The following TASOR2 variants were observed in gnomAD, a reference collection of about 807,000 sequenced individuals.
TASOR2 encodes protein TASOR 2.
A neutral mutation model predicts 199.5 loss-of-function variants in TASOR2; 84 were observed. That is an observed-to-expected ratio of 0.42 (90% CI 0.35 to 0.50). The LOEUF is 0.50. Among genes scored for constraint, TASOR2 ranks in the 20% least tolerant of loss-of-function variants. TASOR2 has a pLI of 0.02. For missense variants in TASOR2, 2,796 were observed against 2,835.9 expected, an observed-to-expected ratio of 0.99 and a Z score of 0.32; for synonymous variants, 1,103 against 1,046.6, an observed-to-expected ratio of 1.05 and a Z score of -1.04.
chr10:5,746,739 C>T (rs1564344055), exon 15 of TASOR2: 7 of 1,614,112 alleles, frequency 4.3e-6, no homozygotes, highest in Non-Finnish European at 5.9e-6. Flanking sequence ...GAACACAAGG[C>T]CTGAGGGACA....
chr10:5,692,391 C>CT (rs1313435727), intron 1 of TASOR2, among the ~76,000 whole-genome samples: 3 of 152,166 alleles, frequency 2.0e-5, no homozygotes, highest in African/African-American at 7.2e-5. Flanking sequence ...GGGTAGGACA[C>CT]TTAAGGAAAT....
Position 5,720,987 on chromosome 10 carries a change from A to G in TASOR2, c.146+17A>G. On this transcript the variant is annotated intron_variant, in intron 6 of 20. Coordinates refer to ENST00000328090, the Ensembl canonical transcript of TASOR2. The surrounding 1 kb of genome is among the most constrained non-coding windows in gnomAD (Gnocchi z 5.3). ...AACACAGCTGTAAGTATTAAATGTT[A>G]TGTCCTTTACTAATGCTTATATTAC... 1 of 1,583,042 alleles carries G rather than the reference A, an allele frequency of 6.3e-7. No individual in the cohort carries two copies. Among genetic ancestry groups the G allele is most frequent in the South Asian group, 1.2e-5 (1 of 86,778 alleles).
At chr10:5,717,589 TC>T in intron 2 of TASOR2, 69 bp from the exon 4 acceptor site, 1 of 560,064 alleles carries the variant, frequency 1.8e-6, no homozygotes, top group Non-Finnish European at 2.7e-6. Context: ...TTCTAATTGG[TC>T]TTCTTGCTTC....
chr10:5,703,275 A>T (rs1252915791), intron 1 of TASOR2, among the ~76,000 whole-genome samples: 1 of 152,124 alleles, frequency 6.6e-6, no homozygotes, highest in Non-Finnish European at 1.5e-5. Context: ...TGCTTTCTAG[A>T]TATCTGTTTA....
chr10:5,685,352 A>G lies in TASOR2; in HGVS notation c.-288+177A>G, dbSNP rs923146747. On this transcript the variant is annotated intron_variant, in intron 1 of 20. Transcript: ENST00000328090. The surrounding 1 kb of genome is among the most constrained non-coding windows in gnomAD (Gnocchi z 5.4). ...GGGTCGGCGCCTTCTAGATGACTCAACCTTCTGTCCTGCGCTACAACCTGT... is the reference window on the plus strand; with the variant it reads ...GGGTCGGCGCCTTCTAGATGACTCAGCCTTCTGTCCTGCGCTACAACCTGT... 1.3e-5 allele frequency among the ~76,000 whole-genome samples: 2 copies of G among 150,550 alleles called. No individual in the cohort carries two copies. Among genetic ancestry groups the G allele is most frequent in the Admixed American group, 6.6e-5 (1 of 15,098 alleles).
intron 18 of TASOR2, among the ~76,000 whole-genome samples, chr10:5,759,576 G>T (rs1839467130): frequency 6.6e-6 from 1 of 152,214 alleles, no homozygotes; most frequent in Non-Finnish European, 1.5e-5. Context: ...TTCAGGCACT[G>T]TTAGGTGCAT....
intron 6 of TASOR2, among the ~76,000 whole-genome samples, chr10:5,723,105 G>A (rs997590735): frequency 8.0e-6 from 1 of 124,908 alleles, no homozygotes; most frequent in Non-Finnish European, 1.6e-5. Context: ...AGGCTAGAGT[G>A]CAGCGGCACA....
At chr10:5,749,241 T>C (rs1297630932) in exon 15 of TASOR2, 12 of 1,614,034 alleles carry the variant, frequency 7.4e-6, no homozygotes, top group Non-Finnish European at 1.0e-5. Flanking sequence ...CCATGAGAAC[T>C]TCACACGGCC....
rs1035442705 is a variant in TASOR2, at chr10:5,719,836, A to G, written c.-99-708A>G. Among the ~76,000 whole-genome samples, 1 of 152,184 alleles carries G rather than the reference A, an allele frequency of 6.6e-6. No individual in the cohort carries two copies. Among genetic ancestry groups the G allele is most frequent in the African/African-American group, 2.4e-5 (1 of 41,456 alleles). On this transcript the variant is annotated intron_variant, in intron 3 of 20. Coordinates refer to ENST00000328090, the Ensembl canonical transcript of TASOR2. This position sits in a 1 kb window ranked among gnomAD's most constrained non-coding sequence, Gnocchi z 4.1. ...CAGTTTATAATTTACAACTGATCAT[A>G]GTTCAGATTGGAAACTCATCTTTTG...
At chr10:5,717,797 G>A (rs1187496348) in intron 3 of TASOR2, 47 bp downstream of exon 4, 1 of 706,358 alleles carries the variant, frequency 1.4e-6, no homozygotes, top group East Asian at 3.4e-5. Flanking sequence ...AAAGTTTAAG[G>A]TTATCTACCT....
chr10:5,725,359 C>T (rs537814238), intron 8 of TASOR2, among the ~76,000 whole-genome samples: 1 of 131,930 alleles, frequency 7.6e-6, no homozygotes, highest in South Asian at 2.4e-4. Context: ...CAGCTGCACT[C>T]CAGCCTGGGC....
rs888629186 is a variant in TASOR2 at position 5,727,218 on chromosome 10, G to GT, written c.487+101dup. The stretch of plus-strand genomic sequence containing the variant: ...TCAGCAGCACGTGACACTGTTGACT[G>GT]TTTTTTCCTCTTAAATACCTCTTTT... On this transcript the variant is annotated intron_variant, in intron 10 of 20. Coordinates refer to ENST00000328090, the Ensembl canonical transcript of TASOR2. 26 of 1,303,766 alleles carry GT rather than the reference G, an allele frequency of 2.0e-5. No homozygotes were observed. In the Admixed American group the frequency reaches 3.0e-4, roughly 15 times the overall value. 80.8% of individuals were successfully genotyped at this position (1,303,766 alleles called of 1,614,324 possible). A position where few individuals can be genotyped will look rare whatever the true frequency, so the allele number is the denominator to read the frequency against.
intron 10 of TASOR2, among the ~76,000 whole-genome samples, chr10:5,729,289 A>C (rs1261442476): frequency 2.6e-5 from 4 of 152,224 alleles, no homozygotes; most frequent in African/African-American, 9.6e-5. Context: ...CGGAGGTTGC[A>C]GTGAGATGAG....
chr10:5,722,249 G>A lies in TASOR2; in HGVS notation c.146+1279G>A, dbSNP rs987801872. Among the ~76,000 whole-genome samples, 1 of 152,068 alleles carries A rather than the reference G, an allele frequency of 6.6e-6. No homozygotes were observed. The highest frequency in any genetic ancestry group is 1.9e-4 in the East Asian group (1 of 5,186). ...GCAGGAGGATTGCTTGAGTCCAGGA[G>A]TTTGAGACCAACCTGGGCAACATGG... On this transcript the variant is annotated intron_variant, in intron 6 of 20. Coordinates refer to ENST00000328090, the Ensembl canonical transcript of TASOR2. The surrounding 1 kb of genome is among the most constrained non-coding windows in gnomAD (Gnocchi z 4.0).
intron 1 of TASOR2, among the ~76,000 whole-genome samples, chr10:5,697,897 TG>T (rs1304030019): frequency 3.3e-5 from 5 of 152,240 alleles, no homozygotes; most frequent in Non-Finnish European, 5.9e-5. Context: ...GTTGGTTTTT[TG>T]TTCTTTTATA....
At chr10:5,718,942 A>G (rs977090992) in intron 3 of TASOR2, among the ~76,000 whole-genome samples, 18 of 152,118 alleles carry the variant, frequency 1.2e-4, no homozygotes, top group African/African-American at 4.1e-4. Context: ...ATTTCTTGCC[A>G]CTAGCTGGAG....
chr10:5,739,546 C>T (rs1564327466), intron 12 of TASOR2, 72 bp from the exon 14 acceptor site: 1 of 1,403,776 alleles, frequency 7.1e-7, no homozygotes, highest in South Asian at 1.4e-5. Context: ...AATTAACCAT[C>T]ATAGTAATAT....
At chr10:5,691,892 T>C (rs758339450) in intron 1 of TASOR2, among the ~76,000 whole-genome samples, 1 of 152,230 alleles carries the variant, frequency 6.6e-6, no homozygotes, top group African/African-American at 2.4e-5. Flanking sequence ...AAAAACCATA[T>C]TCAGGCCTGG....
rs1382867712 is a variant in TASOR2 at position 5,712,841 on chromosome 10, CA to C, written c.-261del. On this transcript the variant is annotated 5_prime_UTR_variant, in exon 2 of 21. The change abolishes the stop of an existing upstream ORF in the 5' untranslated region. Coordinates refer to ENST00000328090, the Ensembl canonical transcript of TASOR2. ...TATACAGTACAAAACTTTTTACCAACAAAAAAAAGCAAGTAGTTATACTCAG... is the reference window on the plus strand; with the variant it reads ...TATACAGTACAAAACTTTTTACCAACAAAAAAAGCAAGTAGTTATACTCAG... 22 of 1,227,432 alleles carry C rather than the reference CA, an allele frequency of 1.8e-5. No homozygotes were observed. The highest frequency in any genetic ancestry group is 3.1e-4 in the Middle Eastern group (1 of 3,198). 76.0% of individuals were successfully genotyped at this position (1,227,432 alleles called of 1,614,324 possible). A position where few individuals can be genotyped will look rare whatever the true frequency, so the allele number is the denominator to read the frequency against.
Sources: gnomAD v4.1 joint callset for allele counts (sites outside exome capture counted in the v4.1 genomes callset) on GRCh38, gnomAD v4.1.1 for gene constraint, Gnocchi (gnomAD v3.1) non-coding constraint, MANE v1.5 for transcripts, NCBI Gene and HGNC (gene_info 2026-07-23, HGNC 2026-07-21) for gene names.